PLAGL1: variants seen among roughly 807,000 people sequenced by gnomAD.
PLAGL1 encodes the protein PLAG1 like zinc finger 1.
A neutral mutation model predicts 4.6 loss-of-function variants in PLAGL1; 1 was observed. That is an observed-to-expected ratio of 0.22 (90% CI 0.08 to 1.03). PLAGL1 has a LOEUF of 1.03. PLAGL1 is among the 50% of genes least tolerant of loss of function. The pLI is 0.58. For synonymous variants in PLAGL1, 240 were observed against 237.8 expected, an observed-to-expected ratio of 1.01 and a Z score of -0.08; for missense variants, 464 against 570.4, an observed-to-expected ratio of 0.81 and a Z score of 1.90.
At chr6:144,042,734 G>A (rs1322998536) in intron 1 of PLAGL1, among the ~76,000 whole-genome samples, 2 of 152,172 alleles carry the variant, frequency 1.3e-5, no homozygotes, top group Non-Finnish European at 2.9e-5. Context: ...GCTTGATGCG[G>A]ATGGCATTGA....
At chr6:143,977,410 A>G (rs1404821051) in intron 2 of PLAGL1, among the ~76,000 whole-genome samples, 4 of 137,456 alleles carry the variant, frequency 2.9e-5, no homozygotes, top group Admixed American at 2.8e-4. Context: ...ATTTTCTTCC[A>G]TGCCTTTTCA....
chr6:143,955,513 A>G lies in PLAGL1; in HGVS notation c.-325+4956T>C, dbSNP rs544622566. 1.3e-5 allele frequency among the ~76,000 whole-genome samples: 2 copies of G among 152,308 alleles called. No homozygotes were observed. The highest frequency in any genetic ancestry group is 1.3e-4 in the Admixed American group (2 of 15,294). ...AGGAGGGCGGGAAGAGAAGAGGTAG[A>G]AATAGGTAGAGAATGCCAATAAAAT... On this transcript the variant is annotated intron_variant, in intron 6 of 7. Coordinates refer to ENST00000674357, the MANE Select transcript of PLAGL1 (RefSeq NM_001317162.2). The surrounding 1 kb of genome is among the most constrained non-coding windows in gnomAD (Gnocchi z 4.9).
At chr6:144,044,247 C>A (rs192253880) in intron 1 of PLAGL1, among the ~76,000 whole-genome samples, 12 of 152,286 alleles carry the variant, frequency 7.9e-5, no homozygotes, top group Admixed American at 5.9e-4. Flanking sequence ...TCTTGCTTCT[C>A]TAATTCTTTT....
chr6:144,050,448 T>G lies in PLAGL1; in HGVS notation c.-151+14020A>C, dbSNP rs1042917972. On this transcript the variant is annotated intron_variant, in intron 1 of 3. Coordinates refer to the PLAGL1 transcript ENST00000437412. This position sits in a 1 kb window ranked among gnomAD's most constrained non-coding sequence, Gnocchi z 4.3. ...TTTATCGCTCATATGTTATTCTCTT[T>G]TCTTCTGTCTGAGGAGAGAAAGATT... Among the ~76,000 whole-genome samples, 26 of 152,234 alleles carry G rather than the reference T, an allele frequency of 1.7e-4. No individual in the cohort carries two copies. Among genetic ancestry groups the G allele is most frequent in the African/African-American group, 5.3e-4 (22 of 41,460 alleles).
At chr6:144,030,660 T>C (rs1796748846) in intron 1 of PLAGL1, among the ~76,000 whole-genome samples, 1 of 152,260 alleles carries the variant, frequency 6.6e-6, no homozygotes, top group Admixed American at 6.5e-5. Context: ...TCCAGGTTGC[T>C]GTGAATGCCA....
intron 1 of PLAGL1, among the ~76,000 whole-genome samples, chr6:144,040,191 A>C (rs191126678): frequency 6.6e-6 from 1 of 152,348 alleles, no homozygotes; most frequent in East Asian, 1.9e-4. Context: ...CACTCAAAAT[A>C]GAAAATATTT....
chr6:143,998,948 C>T (rs1792259926), intron 1 of PLAGL1, among the ~76,000 whole-genome samples: 1 of 152,246 alleles, frequency 6.6e-6, no homozygotes, highest in South Asian at 2.1e-4. Context: ...AAAAAAGGAC[C>T]ATTGTCATGC....
In PLAGL1 at chr6:144,063,932, CG is replaced by C. The variant is rs1185420790; in HGVS notation, c.-151+535del. Among the ~76,000 whole-genome samples, 1 of 152,216 alleles carries C rather than the reference CG, an allele frequency of 6.6e-6. No individual in the cohort carries two copies. The highest frequency in any genetic ancestry group is 2.4e-5 in the African/African-American group (1 of 41,462). ...CTGCGGGGACCTCCCCGCCGCAACT[CG>C]GTCACTTTGTTCCCATTAACTCAGT... On this transcript the variant is annotated intron_variant, in intron 1 of 3. Coordinates refer to the PLAGL1 transcript ENST00000437412. This position sits in a 1 kb window ranked among gnomAD's most constrained non-coding sequence, Gnocchi z 5.7.
rs2128721947 is a variant in PLAGL1, at chr6:144,047,439, C to T, written c.-151+17029G>A. ...TTCTCACATTGCTATAAAAATCTGC[C>T]CAAGATGGGGTAATTTTTAAAGTAA... On this transcript the variant is annotated intron_variant, in intron 1 of 3. Coordinates refer to the PLAGL1 transcript ENST00000437412. Among the ~76,000 whole-genome samples, 2 of 152,204 alleles carry T rather than the reference C, an allele frequency of 1.3e-5. 1 individual carries two copies. The highest frequency in any genetic ancestry group is 4.2e-4 in the South Asian group (2 of 4,818).
chr6:144,031,356 A>C (rs527804969), intron 1 of PLAGL1, among the ~76,000 whole-genome samples: 1 of 152,290 alleles, frequency 6.6e-6, no homozygotes, highest in East Asian at 1.9e-4. Context: ...TAGTTTAATT[A>C]AGTCCCATCT....
chr6:144,052,690 C>T (rs1798661769), intron 1 of PLAGL1, among the ~76,000 whole-genome samples: 1 of 152,032 alleles, frequency 6.6e-6, no homozygotes, highest in Admixed American at 6.6e-5. Context: ...TCACACTATG[C>T]TGATTAAGCA....
rs1211701068 is a variant in PLAGL1 at position 143,963,009 on chromosome 6, AT to A, written c.-399+1777del. 7.9e-5 allele frequency among the ~76,000 whole-genome samples: 12 copies of A among 152,240 alleles called. No individual in the cohort carries two copies. The highest frequency in any genetic ancestry group is 2.9e-4 in the African/African-American group (12 of 41,464). On this transcript the variant is annotated intron_variant, in intron 5 of 7. Coordinates refer to ENST00000674357, the MANE Select transcript of PLAGL1 (RefSeq NM_001317162.2). This position sits in a 1 kb window ranked among gnomAD's most constrained non-coding sequence, Gnocchi z 6.1. ...AAATCTTATTTCAGCAAGATGGATC[AT>A]GGTGAACAATGAGATTATTTCTTTG... is the stretch of plus-strand genomic sequence containing the variant.
In PLAGL1 at chr6:143,973,940, GA is replaced by G. The variant is rs1785931055; in HGVS notation, c.-543-4963del. Among the ~76,000 whole-genome samples the G allele has an allele frequency of 6.6e-6, 1 of 152,212 alleles. No individual in the cohort carries two copies. The highest frequency in any genetic ancestry group is 1.5e-5 in the Non-Finnish European group (1 of 68,046). On this transcript the variant is annotated intron_variant, in intron 2 of 7. Transcript: ENST00000674357. This position sits in a 1 kb window ranked among gnomAD's most constrained non-coding sequence, Gnocchi z 6.2. ...TGTTTGTACAACAAAAGTGTGAACAGAGATATAACAGGTTTTTTTGGATCCA... is the reference window on the plus strand; with the variant it reads ...TGTTTGTACAACAAAAGTGTGAACAGGATATAACAGGTTTTTTTGGATCCA...
rs372902399 is a variant in PLAGL1, at chr6:144,028,904, C to A, written c.-151+35564G>T. 3.3e-5 allele frequency among the ~76,000 whole-genome samples: 5 copies of A among 152,200 alleles called. No homozygotes were observed. The East Asian group carries it at 7.7e-4, about 24-fold the overall frequency. ...ATTTTAAATAAAATAATATCACTTC[C>A]AAATTACAGTAATTAATCTGCCTTC... On this transcript the variant is annotated intron_variant, in intron 1 of 3. Transcript: ENST00000437412.
rs1247305055 is a variant in PLAGL1 at position 143,985,980 on chromosome 6, A to T, written c.-583-806T>A. ...TATATATCAAATTATATATATATAA[A>T]ATTATATATATATATATATATATAT... On this transcript the variant is annotated intron_variant, in intron 1 of 7. Coordinates refer to ENST00000674357, the MANE Select transcript of PLAGL1 (RefSeq NM_001317162.2). The surrounding 1 kb of genome is among the most constrained non-coding windows in gnomAD (Gnocchi z 4.4). 4.6e-4 allele frequency among the ~76,000 whole-genome samples: 25 copies of T among 54,020 alleles called. No homozygotes were observed. The highest frequency in any genetic ancestry group is 2.0e-3 in the East Asian group (2 of 984). 35.4% of individuals were successfully genotyped at this position (54,020 alleles called of 152,430 possible).
At position 143,953,337 on chromosome 6, in the gene PLAGL1, C is replaced by G. The variant is rs1237302968; in HGVS notation, c.-324-4877G>C. On this transcript the variant is annotated intron_variant, in intron 6 of 7. Transcript: ENST00000674357. The surrounding 1 kb of genome is among the most constrained non-coding windows in gnomAD (Gnocchi z 5.3). ...TTTGTTGCCTATAGATTCTTTTCAGCTGTCACCTTGAAAGACTGAATTTTG... is the reference window on the plus strand; with the variant it reads ...TTTGTTGCCTATAGATTCTTTTCAGGTGTCACCTTGAAAGACTGAATTTTG... 6.6e-6 allele frequency among the ~76,000 whole-genome samples: 1 copy of G among 152,240 alleles called. No homozygotes were observed. Among genetic ancestry groups the G allele is most frequent in the Non-Finnish European group, 1.5e-5 (1 of 68,034 alleles).
rs1397993256 is a variant in PLAGL1, at chr6:143,948,611, G to C, written c.-324-151C>G. On this transcript the variant is annotated intron_variant, in intron 6 of 7. Transcript: ENST00000674357. This position sits in a 1 kb window ranked among gnomAD's most constrained non-coding sequence, Gnocchi z 6.0. ...AGTTCTCCATGTGAGAGGGCCATCTGCATACAAGTCTACACTTTTGGCTTC... is the reference window on the plus strand; with the variant it reads ...AGTTCTCCATGTGAGAGGGCCATCTCCATACAAGTCTACACTTTTGGCTTC... Among the ~76,000 whole-genome samples the C allele has an allele frequency of 6.6e-6, 1 of 152,174 alleles. No individual in the cohort carries two copies. The highest frequency in any genetic ancestry group is 6.5e-5 in the Admixed American group (1 of 15,272).
chr6:144,059,070 C>G lies in PLAGL1; in HGVS notation c.-151+5398G>C, dbSNP rs560710997. 1.8e-3 allele frequency among the ~76,000 whole-genome samples: 280 copies of G among 152,286 alleles called. 1 individual carries two copies. The highest frequency in any genetic ancestry group is 5.0e-3 in the African/African-American group (208 of 41,556). On this transcript the variant is annotated intron_variant, in intron 1 of 3. Transcript: ENST00000437412. The surrounding 1 kb of genome is among the most constrained non-coding windows in gnomAD (Gnocchi z 4.9). Reference sequence around the variant, plus strand: ...CTAGAGTTTCTCTTCAGGGTCTCCACCCCTACAGCAGGCTTCTGCCTGTAC... The same window carrying G: ...CTAGAGTTTCTCTTCAGGGTCTCCAGCCCTACAGCAGGCTTCTGCCTGTAC...
rs951223179 is a variant in PLAGL1, at chr6:143,948,626, C to G, written c.-324-166G>C. Among the ~76,000 whole-genome samples, 2 of 152,204 alleles carry G rather than the reference C, an allele frequency of 1.3e-5. No individual in the cohort carries two copies. The highest frequency in any genetic ancestry group is 4.8e-5 in the African/African-American group (2 of 41,434). On this transcript the variant is annotated intron_variant, in intron 6 of 7. Transcript: ENST00000674357. The surrounding 1 kb of genome is among the most constrained non-coding windows in gnomAD (Gnocchi z 6.0). ...AGGGCCATCTGCATACAAGTCTACA[C>G]TTTTGGCTTCTCAGAGGGTGAGGAG...
Sources: allele counts gnomAD v4.1 joint callset (sites outside exome capture counted in the v4.1 genomes callset), GRCh38; gene constraint gnomAD v4.1.1; non-coding constraint Gnocchi (gnomAD v3.1); transcripts MANE v1.5; gene names NCBI Gene and HGNC (gene_info 2026-07-23, HGNC 2026-07-21).